ALMS1: variants seen among roughly 807,000 people sequenced by gnomAD.
The protein encoded by ALMS1 is centrosome-associated protein ALMS1.
In ALMS1, 271 loss-of-function variants were observed where a neutral mutation model predicts 352.2. That is an observed-to-expected ratio of 0.77 (90% CI 0.70 to 0.85). The LOEUF is 0.85. ALMS1 is among the 40% of genes least tolerant of loss of function. The pLI, the probability that ALMS1 is intolerant of heterozygous loss-of-function variation, is 0.00. For synonymous variants in ALMS1, 1,865 were observed against 1,761.2 expected, an observed-to-expected ratio of 1.06 and a Z score of -1.48; for missense variants, 5,445 against 4,870.7, an observed-to-expected ratio of 1.12 and a Z score of -3.51.
Position 73,452,546 on chromosome 2 carries a change from C to T in ALMS1, c.6019C>T (p.Gln2007Ter). Residue 2007 changes from glutamine to a stop codon, truncating the protein, a stop_gained, in exon 8 of 23, where the codon CAG becomes TAG. Coordinates refer to ENST00000613296, the MANE Select transcript of ALMS1 (RefSeq NM_001378454.1). LOFTEE classifies it high-confidence loss of function. The stretch of plus-strand genomic sequence containing the variant: ...TTCAACTGTGCATATACCAGATGAC[C>T]AGAAAACTGAGTTTCCAGCAGCTAC... ...KISTVHIPDDQKTEFPAATLS... is the reference protein window; with the variant it reads ...KISTVHIPDD 1 of 1,614,016 alleles carries T rather than the reference C, an allele frequency of 6.2e-7. No homozygotes were observed. Among genetic ancestry groups the T allele is most frequent in the Non-Finnish European group, 8.5e-7 (1 of 1,179,986 alleles).
rs903704799 is a variant in ALMS1, at chr2:73,386,005, T to TGGAGGAAGAGGC, written c.140_151dup (p.Glu47_Ala50dup). Reference sequence around the variant, plus strand: ...GACGACGTAGTGGTCGTGGAGGAGGTGGAGGAAGAGGCGGGGCGGGAGTTG... The same window carrying TGGAGGAAGAGGC: ...GACGACGTAGTGGTCGTGGAGGAGGTGGAGGAAGAGGCGGAGGAAGAGGCGGGGCGGGAGTTG... On this transcript the variant is annotated inframe_insertion, in exon 1 of 23. Transcript: ENST00000613296. The TGGAGGAAGAGGC allele has an allele frequency of 2.6e-6, 4 of 1,546,346 alleles. No individual in the cohort carries two copies. Among genetic ancestry groups the TGGAGGAAGAGGC allele is most frequent in the Admixed American group, 2.0e-5 (1 of 50,736 alleles).
At chr2:73,522,902 A>C (rs1673714682) in intron 11 of ALMS1, among the ~76,000 whole-genome samples, 2 of 152,288 alleles carry the variant, frequency 1.3e-5, no homozygotes, top group East Asian at 3.9e-4. Context: ...TGGATAATTC[A>C]GGTCTATCAT....
intron 9 of ALMS1, among the ~76,000 whole-genome samples, chr2:73,484,706 G>C (rs1355901167): frequency 6.6e-6 from 1 of 152,042 alleles, no homozygotes; most frequent in South Asian, 2.1e-4. Flanking sequence ...TCACTTTCAG[G>C]TACACCAATC....
At chr2:73,468,008 A>G (rs558631112) in intron 9 of ALMS1, among the ~76,000 whole-genome samples, 17 of 152,044 alleles carry the variant, frequency 1.1e-4, no homozygotes, top group Admixed American at 2.6e-4. Flanking sequence ...TATGGGCAGC[A>G]TTTACATTGC....
chr2:73,428,466 G>C (rs912064954), intron 6 of ALMS1, among the ~76,000 whole-genome samples: 3 of 152,096 alleles, frequency 2.0e-5, no homozygotes, highest in Non-Finnish European at 4.4e-5. Flanking sequence ...ATTGCCTAAA[G>C]TTGAGTTCAA....
At chr2:73,598,355 C>T (rs771661466) in intron 16 of ALMS1, among the ~76,000 whole-genome samples, 3 of 152,100 alleles carry the variant, frequency 2.0e-5, no homozygotes, top group Non-Finnish European at 4.4e-5. Context: ...TCTTTTTTTT[C>T]ACCAGTTCCT....
intron 12 of ALMS1, among the ~76,000 whole-genome samples, chr2:73,542,100 A>G (rs1259937639): frequency 3.9e-5 from 6 of 152,218 alleles, no homozygotes; most frequent in Admixed American, 6.5e-5. Context: ...CCTGATAAAC[A>G]TTGATGCAAA....
Position 73,424,896 on chromosome 2 carries a change from T to G in ALMS1, c.1231T>G (p.Leu411Val). The G allele has an allele frequency of 6.3e-7, 1 of 1,599,772 alleles. No homozygotes were observed. Among genetic ancestry groups the G allele is most frequent in the South Asian group, 1.1e-5 (1 of 88,800 alleles). ...EDSSKQAETY[L>V]TKGLQGKVES... ...TTCATCTAAGCAGGCAGAAACATAT[T>G]TAACCAGTAAGTACCCTGATTCTTT... Residue 411 changes from leucine (L) to valine (V), a missense_variant, in exon 5 of 23, where the codon TTA (leucine) becomes GTA (valine). Leu to Val is a conservative substitution (Grantham distance 32). Coordinates refer to ENST00000613296, the MANE Select transcript of ALMS1 (RefSeq NM_001378454.1).
intron 9 of ALMS1, among the ~76,000 whole-genome samples, chr2:73,488,909 G>A (rs1420794324): frequency 6.6e-6 from 1 of 152,178 alleles, no homozygotes; most frequent in East Asian, 1.9e-4. Context: ...ATTGTTAGGG[G>A]TAAAATATTA....
Position 73,385,924 on chromosome 2 carries a change from AGGAG to A in ALMS1, c.58_61del (p.Glu20ArgfsTer20). On this transcript the variant is annotated frameshift_variant, in exon 1 of 23. Coordinates refer to ENST00000613296, the MANE Select transcript of ALMS1 (RefSeq NM_001378454.1). LOFTEE classifies it high-confidence loss of function. Reference sequence around the variant, plus strand: ...GAGCTGGAGGAGGAGGAGGAGGAGGAGGAGGAGGAGGAGGAGGAAGAGGAGGAGG... The same window carrying A: ...GAGCTGGAGGAGGAGGAGGAGGAGGAGAGGAGGAGGAGGAAGAGGAGGAGG... 1.0e-6 allele frequency: 1 copy of A among 975,486 alleles called. No homozygotes were observed. The highest frequency in any genetic ancestry group is 1.6e-6 in the Non-Finnish European group (1 of 630,730). 60.4% of individuals were successfully genotyped at this position (975,486 alleles called of 1,614,324 possible). A position where few individuals can be genotyped will look rare whatever the true frequency, so the allele number is the denominator to read the frequency against.
chr2:73,520,745 A>G (rs912997038), intron 11 of ALMS1, among the ~76,000 whole-genome samples: 3 of 152,246 alleles, frequency 2.0e-5, no homozygotes, highest in Non-Finnish European at 4.4e-5. Flanking sequence ...CCATAAGGTG[A>G]ACATTTAGAG....
At position 73,424,560 on chromosome 2, in the gene ALMS1, C is replaced by G. The variant is rs1349884233; in HGVS notation, c.895C>G (p.Pro299Ala). 2 of 1,613,858 alleles carry G rather than the reference C, an allele frequency of 1.2e-6. No individual in the cohort carries two copies. Among genetic ancestry groups the G allele is most frequent in the Admixed American group, 3.3e-5 (2 of 59,934 alleles). ...ASSRFSVSQH[P>A]LIGSTAVGSQ... ...CAGTCGCTTTAGTGTATCTCAGCACCCGCTTATAGGCAGCACAGCTGTTGG... is the reference window on the plus strand; with the variant it reads ...CAGTCGCTTTAGTGTATCTCAGCACGCGCTTATAGGCAGCACAGCTGTTGG... Residue 299 changes from proline (P) to alanine (A), a missense_variant, in exon 5 of 23, where the codon CCG becomes GCG. Physicochemically the swap from Pro to Ala is conservative, Grantham distance 27. Coordinates refer to ENST00000613296, the MANE Select transcript of ALMS1 (RefSeq NM_001378454.1).
intron 12 of ALMS1, 43 bp downstream of exon 12, chr2:73,534,992 T>G: frequency 2.5e-6 from 4 of 1,610,308 alleles, no homozygotes; most frequent in Non-Finnish European, 3.4e-6. Flanking sequence ...TTTGATATTT[T>G]ATTTGTGTAT....
intron 10 of ALMS1, among the ~76,000 whole-genome samples, chr2:73,496,495 A>G (rs1056468475): frequency 2.6e-5 from 4 of 152,172 alleles, no homozygotes; most frequent in Non-Finnish European, 4.4e-5. Context: ...ACTGAAGGAT[A>G]TTTGAGTTGT....
intron 10 of ALMS1, among the ~76,000 whole-genome samples, chr2:73,514,471 T>G (rs536695623): frequency 6.6e-6 from 1 of 152,304 alleles, no homozygotes; most frequent in Non-Finnish European, 1.5e-5. Context: ...TGTGCTTTTG[T>G]TGTCATATAT....
At position 73,452,496 on chromosome 2, in the gene ALMS1, A is replaced by G. The variant is rs771294392; in HGVS notation, c.5969A>G (p.His1990Arg). 1.2e-6 allele frequency: 2 copies of G among 1,614,114 alleles called. No homozygotes were observed. The highest frequency in any genetic ancestry group is 1.1e-5 in the South Asian group (1 of 91,084). Residue 1990 changes from histidine (H) to arginine (R), a missense_variant, in exon 8 of 23, where the codon CAT becomes CGT. Transcript: ENST00000613296. ...ATAGGACTGTCTAGTTCCTACTCAC[A>G]TTCACATAAAGAGAAACTCAAGATT... is the stretch of plus-strand genomic sequence containing the variant. ...IPIGLSSSYS[H>R]SHKEKLKIST... is the part of the protein sequence containing the mutation.
At chr2:73,542,852 A>G (rs894457870) in intron 12 of ALMS1, among the ~76,000 whole-genome samples, 3 of 152,104 alleles carry the variant, frequency 2.0e-5, no homozygotes, top group Non-Finnish European at 2.9e-5. Context: ...CCACTACTCA[A>G]TGAAATAAAA....
intron 16 of ALMS1, among the ~76,000 whole-genome samples, chr2:73,598,562 G>C (rs959645441): frequency 6.6e-6 from 1 of 152,084 alleles, no homozygotes; most frequent in Non-Finnish European, 1.5e-5. Context: ...CAAGGGATCA[G>C]ATATGCTCAG....
chr2:73,571,076 C>A (rs1019728534), intron 15 of ALMS1, among the ~76,000 whole-genome samples: 5 of 152,164 alleles, frequency 3.3e-5, no homozygotes, highest in African/African-American at 1.2e-4. Context: ...AATGAAATCT[C>A]CCAATTTTTA....
Sources: gnomAD v4.1 joint callset for allele counts (sites outside exome capture counted in the v4.1 genomes callset) on GRCh38, gnomAD v4.1.1 for gene constraint, MANE v1.5 for transcripts, NCBI Gene and HGNC (gene_info 2026-07-23, HGNC 2026-07-21) for gene names.